C8orf34: variants seen among roughly 807,000 people sequenced by gnomAD.
C8orf34 encodes uncharacterized protein C8orf34.
C8orf34 carries 65 observed loss-of-function variants against 68.3 expected under a neutral mutation model. That is an observed-to-expected ratio of 0.95 (90% CI 0.78 to 1.17). The LOEUF (loss-of-function observed/expected upper bound fraction) is 1.17, where lower values mean the gene tolerates loss of function less well. Ranked by LOEUF, C8orf34 falls within the 50% of genes most tolerant of loss-of-function variation. C8orf34 has a pLI of 0.00. For synonymous variants in C8orf34, 244 were observed against 241.2 expected, an observed-to-expected ratio of 1.01 and a Z score of -0.11; for missense variants, 664 against 655.4, an observed-to-expected ratio of 1.01 and a Z score of -0.14.
intron 7 of C8orf34, among the ~76,000 whole-genome samples, chr8:68,549,356 A>G (rs1815989766): frequency 6.6e-6 from 1 of 151,848 alleles, no homozygotes; most frequent in African/African-American, 2.4e-5. Context: ...ATTATATCCT[A>G]TATTAATTTA....
chr8:68,567,577 CTTTTTTTTTTTTTTTTTTTTT>C (rs1160845483), intron 7 of C8orf34, among the ~76,000 whole-genome samples: 1 of 29,780 alleles, frequency 3.4e-5, no homozygotes, highest in Non-Finnish European at 6.0e-5. Context: ...TTTCATTTAT[CTTTTTTTTTTTTTTTTTTTTT>C]TTTTTTTTTT....
At chr8:68,631,626 C>T (rs148586233) in intron 7 of C8orf34, among the ~76,000 whole-genome samples, 25 of 152,234 alleles carry the variant, frequency 1.6e-4, no homozygotes, top group African/African-American at 5.3e-4. Flanking sequence ...GTGTCCCCAC[C>T]CAAATCTCAT....
At chr8:68,507,128 T>A (rs1814058549) in intron 5 of C8orf34, among the ~76,000 whole-genome samples, 1 of 152,238 alleles carries the variant, frequency 6.6e-6, no homozygotes, top group Non-Finnish European at 1.5e-5. Context: ...TTTACAAGAT[T>A]TGACAATAAA....
intron 7 of C8orf34, among the ~76,000 whole-genome samples, chr8:68,597,128 A>C (rs1817567683): frequency 6.6e-6 from 1 of 152,090 alleles, no homozygotes; most frequent in African/African-American, 2.4e-5. Context: ...CACACTTCAC[A>C]TGGTGGTGGG....
intron 5 of C8orf34, among the ~76,000 whole-genome samples, chr8:68,494,469 C>T (rs952283530): frequency 6.6e-6 from 1 of 152,052 alleles, no homozygotes; most frequent in Non-Finnish European, 1.5e-5. Context: ...ATTGGCTGCA[C>T]AACAACATAA....
chr8:68,730,119 A>C (rs781489115), intron 10 of C8orf34, among the ~76,000 whole-genome samples: 11 of 152,164 alleles, frequency 7.2e-5, no homozygotes, highest in African/African-American at 1.4e-4. Flanking sequence ...ATTAAGATTA[A>C]ACATGTTTCA....
chr8:68,692,885 G>T (rs910656359), intron 8 of C8orf34, among the ~76,000 whole-genome samples: 8 of 152,122 alleles, frequency 5.3e-5, no homozygotes, highest in Middle Eastern at 3.4e-3. Flanking sequence ...GTTTTAGGGA[G>T]AAATTTTTAC....
intron 7 of C8orf34, among the ~76,000 whole-genome samples, chr8:68,629,289 A>C (rs1401504646): frequency 6.6e-6 from 1 of 152,162 alleles, no homozygotes; most frequent in Non-Finnish European, 1.5e-5. Flanking sequence ...GTATCTCAGC[A>C]TGCGTGAAAC....
intron 10 of C8orf34, among the ~76,000 whole-genome samples, chr8:68,745,354 A>G (rs1479308723): frequency 6.6e-6 from 1 of 152,168 alleles, no homozygotes; most frequent in Non-Finnish European, 1.5e-5. Context: ...AGCTAACATC[A>G]TAATGACAGG....
At chr8:68,480,480 A>G (rs1003887661) in intron 4 of C8orf34, among the ~76,000 whole-genome samples, 5 of 152,212 alleles carry the variant, frequency 3.3e-5, no homozygotes, top group Admixed American at 1.3e-4. Flanking sequence ...TGTTGAAGCA[A>G]CTTTGGAACT....
At chr8:68,501,859 T>C (rs1451490140) in intron 5 of C8orf34, among the ~76,000 whole-genome samples, 1 of 152,136 alleles carries the variant, frequency 6.6e-6, no homozygotes, top group Non-Finnish European at 1.5e-5. Flanking sequence ...GAGCTAAGAA[T>C]TTTCTGCTAG....
chr8:68,612,499 A>G (rs1350095612), intron 7 of C8orf34, among the ~76,000 whole-genome samples: 24 of 151,754 alleles, frequency 1.6e-4, no homozygotes, highest in Admixed American at 1.5e-3. Context: ...CTCAAGAAAA[A>G]CCTTTTGATT....
At chr8:68,807,468 T>C (rs1204813563) in intron 12 of C8orf34, among the ~76,000 whole-genome samples, 5 of 152,244 alleles carry the variant, frequency 3.3e-5, no homozygotes, top group Non-Finnish European at 5.9e-5. Context: ...TTGTAGTTTT[T>C]TTATATTTTG....
intron 8 of C8orf34, among the ~76,000 whole-genome samples, chr8:68,692,514 T>C (rs1240151995): frequency 1.3e-5 from 2 of 152,020 alleles, no homozygotes; most frequent in Non-Finnish European, 2.9e-5. Context: ...CCAGCTTATA[T>C]AGTGTCTTCA....
chr8:68,776,525 C>A, intron 11 of C8orf34, 76 bp downstream of exon 11: 1 of 1,167,864 alleles, frequency 8.6e-7, no homozygotes, highest in Non-Finnish European at 1.3e-6. Flanking sequence ...CTTAGGCTTT[C>A]TCCATCTACT....
In C8orf34 at chr8:68,566,553, A is replaced by G. The variant is rs1006164437; in HGVS notation, c.1105+33404A>G. On this transcript the variant is annotated intron_variant, in intron 7 of 13. Transcript: ENST00000518698. The stretch of plus-strand genomic sequence containing the variant: ...TTATGGAGATGGCTTCTTTCCTTAA[A>G]CCTCATGAACCAACCCCCGCTAGCT... Among the ~76,000 whole-genome samples, 17 of 152,016 alleles carry G rather than the reference A, an allele frequency of 1.1e-4. 1 individual carries two copies. Among genetic ancestry groups the G allele is most frequent in the Non-Finnish European group, 1.5e-5 (1 of 67,988 alleles).
rs1277766352 is a variant in C8orf34, at chr8:68,439,406, C to T, written c.328-93C>T. 4.4e-5 allele frequency: 53 copies of T among 1,205,468 alleles called. 1 individual carries two copies. Among genetic ancestry groups the T allele is most frequent in the Non-Finnish European group, 5.8e-5 (50 of 860,698 alleles). 74.7% of individuals were successfully genotyped at this position (1,205,468 alleles called of 1,614,324 possible). A position where few individuals can be genotyped will look rare whatever the true frequency, so the allele number is the denominator to read the frequency against. On this transcript the variant is annotated intron_variant, in intron 1 of 13. Coordinates refer to ENST00000518698, the MANE Select transcript of C8orf34 (RefSeq NM_052958.4). The stretch of plus-strand genomic sequence containing the variant: ...AGTTGCTGTATATAAAGCAGTTAGA[C>T]CAGTACCTGACAATATTACATGCTA...
chr8:68,616,634 AT>A (rs1818224410), intron 7 of C8orf34, among the ~76,000 whole-genome samples: 1 of 152,076 alleles, frequency 6.6e-6, no homozygotes, highest in Admixed American at 6.6e-5. Flanking sequence ...TTCTAGTTTG[AT>A]TGCACTGTGG....
chr8:68,536,358 CAA>C (rs10696903), intron 7 of C8orf34, among the ~76,000 whole-genome samples: 4 of 49,230 alleles, frequency 8.1e-5, no homozygotes, highest in Non-Finnish European at 1.1e-4. Flanking sequence ...GACCCTATCT[CAA>C]AAAAAAAAAA....
Sources: allele counts gnomAD v4.1 joint callset (sites outside exome capture counted in the v4.1 genomes callset), GRCh38; gene constraint gnomAD v4.1.1; transcripts MANE v1.5; gene names NCBI Gene and HGNC (gene_info 2026-07-23, HGNC 2026-07-21).